MYCN: variants seen among roughly 807,000 people sequenced by gnomAD.
MYCN encodes the protein MYCN proto-oncogene, bHLH transcription factor, also known as N-myc proto-oncogene protein.
MYCN carries 3 observed loss-of-function variants against 28.1 expected under a neutral mutation model. The ratio of observed to expected loss-of-function variants is 0.11; its 90% CI spans 0.05 to 0.28. The LOEUF (loss-of-function observed/expected upper bound fraction) is 0.28, where lower values mean the gene tolerates loss of function less well. Ranked by LOEUF, MYCN falls within the 10% of genes least tolerant of loss-of-function variation. MYCN has a pLI of 1.00. For synonymous variants in MYCN, 326 were observed against 288.3 expected (o/e 1.13, Z -1.32); for missense variants, 572 against 651.4 (o/e 0.88, Z 1.33).
At position 15,942,695 on chromosome 2, in the gene MYCN, A is replaced by G; in HGVS notation, c.631A>G (p.Ser211Gly). The G allele has an allele frequency of 8.4e-7, 1 of 1,187,004 alleles. No individual in the cohort carries two copies. Among genetic ancestry groups the G allele is most frequent in the Non-Finnish European group, 1.0e-6 (1 of 960,022 alleles). 73.5% of individuals were successfully genotyped at this position (1,187,004 alleles called of 1,614,324 possible). ...AGCGCCCGTGCCCGCAGCCCCGGCC[A>G]GTGCCCCGGCGGCGGGCCCTGCGGT... The part of the protein sequence containing the change: ...EPAPVPAAPA[S>G]APAAGPAVAS... The change falls in exon 2 of 3, where the codon AGT becomes GGT. Residue 211 changes from serine to glycine, a missense_variant. Coordinates refer to ENST00000281043, the MANE Select transcript of MYCN (RefSeq NM_005378.6). This position sits in a 1 kb window ranked among gnomAD's most constrained non-coding sequence, Gnocchi z 7.0.
chr2:15,943,640 G>T (rs1044257504), intron 2 of MYCN, among the ~76,000 whole-genome samples: 1 of 152,154 alleles, frequency 6.6e-6, no homozygotes, highest in Non-Finnish European at 1.5e-5. Flanking sequence ...CCAGTGTGCA[G>T]TGGAAACTGG....
At position 15,941,748 on chromosome 2, in the gene MYCN, C is replaced by G. The variant is rs1662679574; in HGVS notation, c.-117-200C>G. ...TGCATCTGCATGCCCCCTCCCACCC[C>G]CTGTCGTAGACAGCTTGTACACAAA... On this transcript the variant is annotated intron_variant, in intron 1 of 2. Transcript: ENST00000281043. The surrounding 1 kb of genome is among the most constrained non-coding windows in gnomAD (Gnocchi z 4.8). 3 of 497,880 alleles carry G rather than the reference C, an allele frequency of 6.0e-6. No individual in the cohort carries two copies. Among genetic ancestry groups the G allele is most frequent in the African/African-American group, 3.8e-5 (2 of 52,198 alleles). 30.8% of individuals were successfully genotyped at this position (497,880 alleles called of 1,614,324 possible).
Position 15,941,095 on chromosome 2 carries a change from C to A in MYCN, c.-118+352C>A. The A allele has an allele frequency of 5.2e-6, 1 of 193,602 alleles. No homozygotes were observed. Among genetic ancestry groups the A allele is most frequent in the Non-Finnish European group, 1.0e-5 (1 of 95,710 alleles). The allele number at this position is 193,602 out of a possible 1,614,324, so 12.0% of individuals were successfully genotyped here. On this transcript the variant is annotated intron_variant, in intron 1 of 2. Transcript: ENST00000281043. The surrounding 1 kb of genome is among the most constrained non-coding windows in gnomAD (Gnocchi z 4.8). ...GGCTGGGGTTCTTCTCCAAAGGGTGCCCCTGGAGGAAGAAGAGGGGGGGAT... is the reference window on the plus strand; with the variant it reads ...GGCTGGGGTTCTTCTCCAAAGGGTGACCCTGGAGGAAGAAGAGGGGGGGAT...
rs1662679022 is a variant in MYCN at position 15,941,742 on chromosome 2, C to T, written c.-117-206C>T. On this transcript the variant is annotated intron_variant, in intron 1 of 2. Transcript: ENST00000281043. This position sits in a 1 kb window ranked among gnomAD's most constrained non-coding sequence, Gnocchi z 4.8. ...ACCCCCTGCATCTGCATGCCCCCTC[C>T]CACCCCCTGTCGTAGACAGCTTGTA... 2.0e-6 allele frequency: 1 copy of T among 488,348 alleles called. No homozygotes were observed. 30.3% of individuals were successfully genotyped at this position (488,348 alleles called of 1,614,324 possible).
In MYCN at chr2:15,946,121, A is replaced by C. The variant is rs781551930; in HGVS notation, c.*24A>C. 5 of 1,614,070 alleles carry C rather than the reference A, an allele frequency of 3.1e-6. No homozygotes were observed. Among genetic ancestry groups the C allele is most frequent in the Admixed American group, 1.7e-5 (1 of 60,034 alleles). ...AGACGCTTCTCAAAACTGGACAGTC[A>C]CTGCCACTTTGCACATTTTGATTTT... On this transcript the variant is annotated 3_prime_UTR_variant, in exon 3 of 3. Transcript: ENST00000281043.
In MYCN at chr2:15,942,577, CG is replaced by C; in HGVS notation, c.517del (p.Ala173ProfsTer25). ...HGGAAGAGRAGAALPAELAHP... is the reference protein window; with the variant it reads ...HGGAAGAGRAXAALPAELAHP... ...GCGGGGCTGCGGGAGCCGGCCGCGC[CG>C]GGGCCGCCCTGCCCGCCGAGCTCGC... On this transcript the variant is annotated frameshift_variant, in exon 2 of 3. Coordinates refer to ENST00000281043, the MANE Select transcript of MYCN (RefSeq NM_005378.6). LOFTEE classifies it high-confidence loss of function. The surrounding 1 kb of genome is among the most constrained non-coding windows in gnomAD (Gnocchi z 7.0). The C allele has an allele frequency of 9.3e-7, 1 of 1,074,394 alleles. No homozygotes were observed. Among genetic ancestry groups the C allele is most frequent in the Non-Finnish European group, 1.1e-6 (1 of 889,750 alleles). 66.6% of individuals were successfully genotyped at this position (1,074,394 alleles called of 1,614,324 possible).
Position 15,942,692 on chromosome 2 carries a change from G to A in MYCN, c.628G>A (p.Ala210Thr), listed in dbSNP as rs1369181101. ...GCCAGCGCCCGTGCCCGCAGCCCCG[G>A]CCAGTGCCCCGGCGGCGGGCCCTGC... ...REPAPVPAAP[A>T]SAPAAGPAVA... Residue 210 changes from alanine (A) to threonine (T), a missense_variant, in exon 2 of 3, where the codon GCC (alanine) becomes ACC (threonine). Transcript: ENST00000281043. This position sits in a 1 kb window ranked among gnomAD's most constrained non-coding sequence, Gnocchi z 7.0. 1.7e-6 allele frequency: 2 copies of A among 1,189,488 alleles called. No homozygotes were observed. The highest frequency in any genetic ancestry group is 1.0e-6 in the Non-Finnish European group (1 of 961,362). 73.7% of individuals were successfully genotyped at this position (1,189,488 alleles called of 1,614,324 possible).
rs925682391 is a variant in MYCN at position 15,946,436 on chromosome 2, C to T, written c.*339C>T. The T allele has an allele frequency of 1.2e-5, 5 of 434,090 alleles. No homozygotes were observed. The highest frequency in any genetic ancestry group is 2.1e-5 in the Non-Finnish European group (5 of 233,426). The allele number at this position is 434,090 out of a possible 1,614,324, so 26.9% of individuals were successfully genotyped here. Reference sequence around the variant, plus strand: ...GTCATTCCTTCTTTTTAAAATGGTGCTTAAGTTCCAGCAGATGCCACATAA... The same window carrying T: ...GTCATTCCTTCTTTTTAAAATGGTGTTTAAGTTCCAGCAGATGCCACATAA... On this transcript the variant is annotated 3_prime_UTR_variant, in exon 3 of 3. Coordinates refer to ENST00000281043, the MANE Select transcript of MYCN (RefSeq NM_005378.6).
At position 15,946,471 on chromosome 2, in the gene MYCN, C is replaced by A; in HGVS notation, c.*374C>A. 2.5e-6 allele frequency: 1 copy of A among 404,958 alleles called. No individual in the cohort carries two copies. The highest frequency in any genetic ancestry group is 4.0e-5 in the Admixed American group (1 of 24,936). The allele number at this position is 404,958 out of a possible 1,614,324, so 25.1% of individuals were successfully genotyped here. Reference sequence around the variant, plus strand: ...AGCAGATGCCACATAAGGGGTTTGCCATTTGATACCCCTGGGGAACATTTC... The same window carrying A: ...AGCAGATGCCACATAAGGGGTTTGCAATTTGATACCCCTGGGGAACATTTC... On this transcript the variant is annotated 3_prime_UTR_variant, in exon 3 of 3. Coordinates refer to ENST00000281043, the MANE Select transcript of MYCN (RefSeq NM_005378.6).
chr2:15,942,710 G>A lies in MYCN; in HGVS notation c.646G>A (p.Gly216Ser). ...PAAPASAPAA[G>S]PAVASGAGIA... ...AGCCCCGGCCAGTGCCCCGGCGGCG[G>A]GCCCTGCGGTCGCCTCGGGGGCGGG... is the stretch of plus-strand genomic sequence containing the variant. The change falls in exon 2 of 3, where the codon GGC becomes AGC. Residue 216 changes from glycine (G) to serine (S), a missense_variant. Gly to Ser is a moderately conservative substitution (Grantham distance 56, BLOSUM62 0). Around this residue, in one of 3 missense-constraint regions of MYCN, gnomAD observed 499 missense variants for 524.3 expected, o/e 0.95. Transcript: ENST00000281043. This position sits in a 1 kb window ranked among gnomAD's most constrained non-coding sequence, Gnocchi z 7.0. The A allele has an allele frequency of 8.4e-7, 1 of 1,191,264 alleles. No homozygotes were observed. 73.8% of individuals were successfully genotyped at this position (1,191,264 alleles called of 1,614,324 possible). A position where few individuals can be genotyped will look rare whatever the true frequency, so the allele number is the denominator to read the frequency against.
rs748260335 is a variant in MYCN at position 15,942,037 on chromosome 2, C to T, written c.-28C>T. On this transcript the variant is annotated 5_prime_UTR_variant, in exon 2 of 3. Coordinates refer to ENST00000281043, the MANE Select transcript of MYCN (RefSeq NM_005378.6). The surrounding 1 kb of genome is among the most constrained non-coding windows in gnomAD (Gnocchi z 7.0). ...TAAAACGAACGGGGCGGAAAGAAGC[C>T]CTCAGTCGCCGGCCGGGAGGCGAGC... 3.1e-5 allele frequency: 50 copies of T among 1,612,838 alleles called. No homozygotes were observed. Among genetic ancestry groups the T allele is most frequent in the South Asian group, 7.7e-5 (7 of 91,058 alleles).
At position 15,942,943 on chromosome 2, in the gene MYCN, G is replaced by C; in HGVS notation, c.790+89G>C. 6.8e-7 allele frequency: 1 copy of C among 1,467,018 alleles called. No homozygotes were observed. The highest frequency in any genetic ancestry group is 9.1e-7 in the Non-Finnish European group (1 of 1,099,334). 90.9% of individuals were successfully genotyped at this position (1,467,018 alleles called of 1,614,324 possible). A position where few individuals can be genotyped will look rare whatever the true frequency, so the allele number is the denominator to read the frequency against. The stretch of plus-strand genomic sequence containing the variant: ...TGTTAGTGCTCGTATGTCTTGGCCT[G>C]GGGAGCATTTTGGAGGCAGTGCTAG... On this transcript the variant is annotated intron_variant, in intron 2 of 2. Transcript: ENST00000281043. This position sits in a 1 kb window ranked among gnomAD's most constrained non-coding sequence, Gnocchi z 7.0.
In MYCN at chr2:15,942,967, AG is replaced by A; in HGVS notation, c.790+117del. On this transcript the variant is annotated intron_variant, in intron 2 of 2. Coordinates refer to ENST00000281043, the MANE Select transcript of MYCN (RefSeq NM_005378.6). The surrounding 1 kb of genome is among the most constrained non-coding windows in gnomAD (Gnocchi z 7.0). ...TGGGGAGCATTTTGGAGGCAGTGCTAGGGGCAGAGAGGTCCTGTTTCCCCCA... is the reference window on the plus strand; with the variant it reads ...TGGGGAGCATTTTGGAGGCAGTGCTAGGGCAGAGAGGTCCTGTTTCCCCCA... The A allele has an allele frequency of 7.7e-7, 1 of 1,294,338 alleles. No individual in the cohort carries two copies. The highest frequency in any genetic ancestry group is 1.5e-5 in the South Asian group (1 of 68,380). 80.2% of individuals were successfully genotyped at this position (1,294,338 alleles called of 1,614,324 possible). A position where few individuals can be genotyped will look rare whatever the true frequency, so the allele number is the denominator to read the frequency against.
rs924860472 is a variant in MYCN at position 15,940,597 on chromosome 2, C to A, written c.-264C>A. On this transcript the variant is annotated 5_prime_UTR_variant, in exon 1 of 3. Coordinates refer to ENST00000281043, the MANE Select transcript of MYCN (RefSeq NM_005378.6). ...GGACGCGCTGGGTGGATGCGGGGGG[C>A]TCCTGGGAACTGTGTTGGAGCCGAG... 5.0e-6 allele frequency: 2 copies of A among 400,250 alleles called. No homozygotes were observed. The highest frequency in any genetic ancestry group is 8.8e-6 in the Non-Finnish European group (2 of 226,260). The allele number at this position is 400,250 out of a possible 1,614,324, so 24.8% of individuals were successfully genotyped here.
At position 15,941,727 on chromosome 2, in the gene MYCN, T is replaced by A; in HGVS notation, c.-117-221T>A. On this transcript the variant is annotated intron_variant, in intron 1 of 2. Coordinates refer to ENST00000281043, the MANE Select transcript of MYCN (RefSeq NM_005378.6). This position sits in a 1 kb window ranked among gnomAD's most constrained non-coding sequence, Gnocchi z 4.8. ...CGGAGCCTCGCCACCACCCCCTGCA[T>A]CTGCATGCCCCCTCCCACCCCCTGT... 1 of 440,472 alleles carries A rather than the reference T, an allele frequency of 2.3e-6. No individual in the cohort carries two copies. Among genetic ancestry groups the A allele is most frequent in the Non-Finnish European group, 4.1e-6 (1 of 242,186 alleles). The allele number at this position is 440,472 out of a possible 1,614,324, so 27.3% of individuals were successfully genotyped here. A position where few individuals can be genotyped will look rare whatever the true frequency, so the allele number is the denominator to read the frequency against.
At chr2:15,944,448 T>C (rs1307684913) in intron 2 of MYCN, among the ~76,000 whole-genome samples, 1 of 152,250 alleles carries the variant, frequency 6.6e-6, no homozygotes, top group Non-Finnish European at 1.5e-5. Context: ...CATTAAGATT[T>C]GATCTTTGTT....
chr2:15,946,182 T>C lies in MYCN; in HGVS notation c.*85T>C. On this transcript the variant is annotated 3_prime_UTR_variant, in exon 3 of 3. Coordinates refer to ENST00000281043, the MANE Select transcript of MYCN (RefSeq NM_005378.6). ...AAACATTGTGTTGACATTAAGAATG[T>C]TGGTTTACTTTCAAATCGGTCCCCT... is the stretch of plus-strand genomic sequence containing the variant. 6.3e-7 allele frequency: 1 copy of C among 1,596,990 alleles called. No individual in the cohort carries two copies. The highest frequency in any genetic ancestry group is 8.6e-7 in the Non-Finnish European group (1 of 1,167,276).
chr2:15,942,759 C>G lies in MYCN; in HGVS notation c.695C>G (p.Pro232Arg). The G allele has an allele frequency of 1.4e-6, 2 of 1,419,190 alleles. No homozygotes were observed. The highest frequency in any genetic ancestry group is 1.8e-6 in the Non-Finnish European group (2 of 1,084,668). 87.9% of individuals were successfully genotyped at this position (1,419,190 alleles called of 1,614,324 possible). The part of the protein sequence containing the change: ...GAGIAAPAGA[P>R]GVAPPRPGGR... ...GGTATTGCCGCCCCAGCCGGGGCCC[C>G]GGGGGTCGCCCCTCCGCGCCCAGGC... Residue 232 changes from proline to arginine, a missense_variant, in exon 2 of 3, where the codon CCG (proline) becomes CGG (arginine). By Grantham distance (103) the Pro-to-Arg change is moderately radical (BLOSUM62 -2). This residue lies in a region of MYCN where 499 missense variants were observed against 524.3 expected (regional missense o/e 0.95). Transcript: ENST00000281043. This position sits in a 1 kb window ranked among gnomAD's most constrained non-coding sequence, Gnocchi z 7.0.
rs2103331983 is a variant in MYCN, at chr2:15,946,033, A to G, written c.1331A>G (p.Lys444Arg). The change falls in exon 3 of 3, where the codon AAG (lysine) becomes AGG (arginine). Residue 444 changes from lysine to arginine, a missense_variant. Physicochemically the swap from Lys to Arg is conservative, Grantham distance 26 (BLOSUM62 2). Coordinates refer to ENST00000281043, the MANE Select transcript of MYCN (RefSeq NM_005378.6). ...GAGGAGCACCAGCTTTTGCTGGAAA[A>G]GGAAAAATTGCAGGCAAGACAGCAG... ...QAEEHQLLLE[K>R]EKLQARQQQL... The G allele has an allele frequency of 6.2e-7, 1 of 1,614,258 alleles. No homozygotes were observed. The highest frequency in any genetic ancestry group is 1.1e-5 in the South Asian group (1 of 91,090).
Sources: gnomAD v4.1 joint callset for allele counts (sites outside exome capture counted in the v4.1 genomes callset) on GRCh38, gnomAD v4.1.1 for gene constraint, gnomAD v4.1.1 regional missense constraint, Gnocchi (gnomAD v3.1) non-coding constraint, MANE v1.5 for transcripts, NCBI Gene and HGNC (gene_info 2026-07-23, HGNC 2026-07-21) for gene names.